Variants in MAPK4 observed in about 807,000 individuals in gnomAD.
MAPK4 encodes the protein mitogen-activated protein kinase 4.
Under a neutral mutation model 47.7 loss-of-function variants are expected in MAPK4, and 22 were observed. That is an observed-to-expected ratio of 0.46 (90% CI 0.33 to 0.66). MAPK4 has a LOEUF of 0.66. Ranked by LOEUF, MAPK4 falls within the 30% of genes least tolerant of loss-of-function variation. MAPK4 has a pLI of 0.02. For synonymous variants in MAPK4, 390 were observed against 365.7 expected (o/e 1.07, Z -0.76); for missense variants, 736 against 831.7 (o/e 0.88, Z 1.42).
At chr18:50,728,226 G>C (rs2144495989) in intron 5 of MAPK4, among the ~76,000 whole-genome samples, 1 of 152,338 alleles carries the variant, frequency 6.6e-6, no homozygotes, top group African/African-American at 2.4e-5. Flanking sequence ...GTTCTAGGTA[G>C]AGCACCCGCA....
chr18:50,575,088 T>C (rs1348541055), intron 1 of MAPK4, among the ~76,000 whole-genome samples: 1 of 152,178 alleles, frequency 6.6e-6, no homozygotes, highest in Non-Finnish European at 1.5e-5. Context: ...GGGAGGCGTT[T>C]AGGTCACGAG....
At chr18:50,638,237 G>C (rs191108718) in intron 1 of MAPK4, among the ~76,000 whole-genome samples, 29 of 152,354 alleles carry the variant, frequency 1.9e-4, no homozygotes, top group Non-Finnish European at 1.9e-4. Flanking sequence ...CCTCATTTTA[G>C]ATTGCTTATG....
At chr18:50,722,392 C>T (rs1910981975) in intron 4 of MAPK4, among the ~76,000 whole-genome samples, 1 of 152,238 alleles carries the variant, frequency 6.6e-6, no homozygotes, top group East Asian at 1.9e-4. Flanking sequence ...TCCTCCCTCA[C>T]ATTTTTGTCC....
intron 3 of MAPK4, among the ~76,000 whole-genome samples, chr18:50,718,014 G>A (rs1162468894): frequency 1.3e-5 from 2 of 152,174 alleles, no homozygotes; most frequent in African/African-American, 4.8e-5. Context: ...CCTCTCCAGG[G>A]AACTTATGGT....
At chr18:50,668,939 T>C (rs960665799) in intron 2 of MAPK4, among the ~76,000 whole-genome samples, 4 of 152,238 alleles carry the variant, frequency 2.6e-5, no homozygotes, top group East Asian at 1.9e-4. Flanking sequence ...GCTTATTTCA[T>C]AGGATTCCTG....
At chr18:50,624,764 T>C (rs565735642) in intron 1 of MAPK4, among the ~76,000 whole-genome samples, 1 of 152,266 alleles carries the variant, frequency 6.6e-6, no homozygotes, top group South Asian at 2.1e-4. Flanking sequence ...ACATACTGTT[T>C]TAAGACAGAT....
chr18:50,588,760 T>A lies in MAPK4; in HGVS notation c.-871+28517T>A, dbSNP rs545408366. On this transcript the variant is annotated intron_variant, in intron 1 of 5. Transcript: ENST00000400384. ...TAGTAAAGATGGGGTTTCACCATGT[T>A]GCCCAGGCTGGTCTTGAACTCCTGG... Among the ~76,000 whole-genome samples, 16 of 152,312 alleles carry A rather than the reference T, an allele frequency of 1.1e-4. No homozygotes were observed. The East Asian group carries it at 3.1e-3, about 29-fold the overall frequency.
intron 2 of MAPK4, among the ~76,000 whole-genome samples, chr18:50,703,145 T>C (rs1909876641): frequency 6.6e-6 from 1 of 152,168 alleles, no homozygotes; most frequent in Admixed American, 6.5e-5. Context: ...CCCTCTCAAA[T>C]TGATCTCAAG....
intron 2 of MAPK4, chr18:50,704,968 T>A (rs1464143021): frequency 2.6e-6 from 1 of 390,578 alleles, no homozygotes; most frequent in Non-Finnish European, 4.5e-6. Context: ...AGGGTGGAGG[T>A]GTAGAGAGGT....
intron 1 of MAPK4, among the ~76,000 whole-genome samples, chr18:50,637,615 G>A (rs1245974428): frequency 6.6e-6 from 1 of 152,242 alleles, no homozygotes; most frequent in Non-Finnish European, 1.5e-5. Context: ...AATAATGCCT[G>A]CACAGGGGTG....
intron 1 of MAPK4, among the ~76,000 whole-genome samples, chr18:50,563,152 A>C (rs2149354584): frequency 6.6e-6 from 1 of 152,338 alleles, no homozygotes; most frequent in Admixed American, 6.5e-5. Flanking sequence ...TATGAAAGAT[A>C]CATAGAAAAT....
chr18:50,608,704 T>A (rs1010359157), intron 1 of MAPK4, among the ~76,000 whole-genome samples: 21 of 152,180 alleles, frequency 1.4e-4, no homozygotes, highest in African/African-American at 3.6e-4. Flanking sequence ...TGTCTTCTTT[T>A]TTTTATTTTA....
intron 1 of MAPK4, among the ~76,000 whole-genome samples, chr18:50,570,727 C>T (rs2042242620): frequency 6.6e-6 from 1 of 152,174 alleles, no homozygotes; most frequent in African/African-American, 2.4e-5. Flanking sequence ...GCATGCTCAA[C>T]CACGTGTTCT....
At chr18:50,622,454 G>A (rs966563151) in intron 1 of MAPK4, among the ~76,000 whole-genome samples, 1 of 152,204 alleles carries the variant, frequency 6.6e-6, no homozygotes, top group Non-Finnish European at 1.5e-5. Flanking sequence ...TTGGCTGCGG[G>A]CTGCCCTGGA....
At chr18:50,605,421 A>T (rs1398580782) in intron 1 of MAPK4, among the ~76,000 whole-genome samples, 1 of 152,184 alleles carries the variant, frequency 6.6e-6, no homozygotes, top group East Asian at 1.9e-4. Context: ...TTGAGGAAAC[A>T]TGGGTTATAT....
intron 2 of MAPK4, among the ~76,000 whole-genome samples, chr18:50,687,818 C>T (rs116764735): frequency 1.9e-4 from 29 of 152,286 alleles, no homozygotes; most frequent in African/African-American, 7.0e-4. Context: ...CCTGTGTTGC[C>T]ACTAGAATGC....
chr18:50,576,029 A>G (rs1405034248), intron 1 of MAPK4, among the ~76,000 whole-genome samples: 3 of 152,224 alleles, frequency 2.0e-5, no homozygotes, highest in Non-Finnish European at 4.4e-5. Context: ...GGGAATGCTT[A>G]TGCACTGCTG....
At chr18:50,586,827 G>A (rs185162836) in intron 1 of MAPK4, among the ~76,000 whole-genome samples, 23 of 152,094 alleles carry the variant, frequency 1.5e-4, no homozygotes, top group Admixed American at 2.0e-4. Flanking sequence ...ATATATGCTT[G>A]GTAATATTAA....
rs1911453083 is a variant in MAPK4 at position 50,729,801 on chromosome 18, G to A, written c.1711G>A (p.Glu571Lys). The A allele has an allele frequency of 1.2e-6, 2 of 1,612,286 alleles. No homozygotes were observed. Among genetic ancestry groups the A allele is most frequent in the African/African-American group, 2.7e-5 (2 of 74,922 alleles). ...CGACCTCAATGGTGCGTGCATCCCC[G>A]AGCACCCTGGCGACCTCGTGCAGAC... ...LGDLNGACIP[E>K]HPGDLVQTEA... is the part of the protein sequence containing the mutation. The change falls in exon 6 of 6, where the codon GAG becomes AAG. Residue 571 changes from glutamate (E) to lysine (K), a missense_variant. By Grantham distance (56) the Glu-to-Lys change is moderately conservative (BLOSUM62 1). Around this residue, in one of 3 missense-constraint regions of MAPK4, gnomAD observed 377 missense variants for 378.6 expected, o/e 1.00. Coordinates refer to ENST00000400384, the MANE Select transcript of MAPK4 (RefSeq NM_002747.4).
Sources: gnomAD v4.1 joint callset for allele counts (sites outside exome capture counted in the v4.1 genomes callset) on GRCh38, gnomAD v4.1.1 for gene constraint, gnomAD v4.1.1 regional missense constraint, MANE v1.5 for transcripts, NCBI Gene and HGNC (gene_info 2026-07-23, HGNC 2026-07-21) for gene names.